Variants in KAZN observed in about 807,000 individuals in gnomAD.
The protein encoded by KAZN is kazrin, periplakin interacting protein, also known as kazrin.
KAZN carries 40 observed loss-of-function variants against 87.4 expected under a neutral mutation model. That is an observed-to-expected ratio of 0.46 (90% CI 0.36 to 0.60). The LOEUF (loss-of-function observed/expected upper bound fraction) is 0.60, where lower values mean the gene tolerates loss of function less well. Among genes scored for constraint, KAZN ranks in the 20% least tolerant of loss-of-function variants. The pLI is 0.00. For missense variants in KAZN, 898 were observed against 1,073.9 expected, an observed-to-expected ratio of 0.84 and a Z score of 2.29; for synonymous variants, 466 against 458.3, an observed-to-expected ratio of 1.02 and a Z score of -0.22.
At chr1:14,065,237 G>A (rs1190280835) in intron 1 of KAZN, among the ~76,000 whole-genome samples, 1 of 152,196 alleles carries the variant, frequency 6.6e-6, no homozygotes, top group Admixed American at 6.5e-5. Context: ...GCTCATTCAG[G>A]TCACATGGAC....
intron 2 of KAZN, among the ~76,000 whole-genome samples, chr1:14,544,010 CATT>C (rs1305023218): frequency 1.1e-4 from 16 of 152,136 alleles, no homozygotes; most frequent in African/African-American, 3.4e-4. Flanking sequence ...AGCAAAGAAT[CATT>C]ATTTTTATGA....
chr1:14,429,266 G>A (rs1441834843), intron 2 of KAZN, among the ~76,000 whole-genome samples: 2 of 152,154 alleles, frequency 1.3e-5, no homozygotes, highest in Admixed American at 6.5e-5. Flanking sequence ...GCCCTCCTGG[G>A]TCTCCAAACT....
At chr1:15,069,330 A>C (rs556685272) in intron 8 of KAZN, among the ~76,000 whole-genome samples, 6 of 152,176 alleles carry the variant, frequency 3.9e-5, no homozygotes, top group Non-Finnish European at 7.3e-5. Context: ...TGCCCTCTCA[A>C]AACTAACCCC....
intron 1 of KAZN, among the ~76,000 whole-genome samples, chr1:14,790,326 C>G (rs1023322040): frequency 6.6e-6 from 1 of 151,962 alleles, no homozygotes; most frequent in Admixed American, 6.6e-5. Flanking sequence ...TCCTGAATTT[C>G]TTGACCCAGG....
chr1:14,234,390 ACCGGGGC>A, intron 2 of KAZN, among the ~76,000 whole-genome samples: 1 of 127,568 alleles, frequency 7.8e-6, no homozygotes, highest in East Asian at 3.1e-4. Flanking sequence ...AACATCACAC[ACCGGGGC>A]CTGTTAGGGG....
At chr1:14,973,176 A>G (rs2175773) in intron 2 of KAZN, among the ~76,000 whole-genome samples, 60,074 of 151,946 alleles carry the variant, frequency 0.4, 13,977 homozygotes, top group African/African-American at 0.65. Flanking sequence ...TTTTCCATCA[A>G]TAGACATCGT....
chr1:14,091,953 T>C (rs10928004), intron 1 of KAZN, among the ~76,000 whole-genome samples: 57,750 of 152,052 alleles, frequency 0.38, 11,424 homozygotes, highest in East Asian at 0.68. Context: ...AAAAGGGCCA[T>C]GGACACACAC....
At chr1:14,102,106 A>G (rs1047569622) in intron 1 of KAZN, among the ~76,000 whole-genome samples, 2 of 152,194 alleles carry the variant, frequency 1.3e-5, no homozygotes, top group Admixed American at 1.3e-4. Context: ...AACTTAAAAA[A>G]AAAATAAGTC....
At chr1:14,800,408 A>C (rs1645972922) in intron 1 of KAZN, among the ~76,000 whole-genome samples, 1 of 152,198 alleles carries the variant, frequency 6.6e-6, no homozygotes, top group Non-Finnish European at 1.5e-5. Flanking sequence ...GCCATAAGAG[A>C]ATGAAGTAAT....
At chr1:14,173,438 G>A (rs906184903) in intron 1 of KAZN, among the ~76,000 whole-genome samples, 4 of 152,132 alleles carry the variant, frequency 2.6e-5, no homozygotes, top group Non-Finnish European at 4.4e-5. Context: ...TTTATTCTCA[G>A]GCAAGAGTTC....
At chr1:14,384,629 G>A (rs1208699973) in intron 2 of KAZN, among the ~76,000 whole-genome samples, 2 of 151,910 alleles carry the variant, frequency 1.3e-5, no homozygotes, top group East Asian at 1.9e-4. Flanking sequence ...TATTGATTTA[G>A]GTATATTGAA....
rs1643857792 is a variant in KAZN, at chr1:14,735,067, T to G, written c.226+135844T>G. On this transcript the variant is annotated intron_variant, in intron 1 of 14. Coordinates refer to ENST00000376030, the MANE Select transcript of KAZN (RefSeq NM_201628.3). The surrounding 1 kb of genome is among the most constrained non-coding windows in gnomAD (Gnocchi z 4.3). ...GCTAAATGGTCATGCTGGTTTTTTT[T>G]GTTTTGTTTTGAGACGGAGTCTCGC... Among the ~76,000 whole-genome samples, 1 of 152,150 alleles carries G rather than the reference T, an allele frequency of 6.6e-6. No homozygotes were observed.
At chr1:14,736,096 A>G (rs1486513012) in intron 1 of KAZN, among the ~76,000 whole-genome samples, 1 of 152,142 alleles carries the variant, frequency 6.6e-6, no homozygotes, top group Middle Eastern at 3.2e-3. Flanking sequence ...CAGGTGAAAA[A>G]CAGAAGTTCC....
chr1:14,294,307 A>G (rs1023744799), intron 2 of KAZN, among the ~76,000 whole-genome samples: 2 of 151,978 alleles, frequency 1.3e-5, no homozygotes, highest in Non-Finnish European at 1.5e-5. Context: ...GCTTTTCCCT[A>G]CTCACCACAC....
At chr1:13,910,661 T>C (rs567543737) in intron 1 of KAZN, among the ~76,000 whole-genome samples, 4 of 152,190 alleles carry the variant, frequency 2.6e-5, no homozygotes, top group Non-Finnish European at 5.9e-5. Flanking sequence ...CTGTACAGCC[T>C]ACAGAACCGT....
rs1198425596 is a variant in KAZN, at chr1:14,996,381, C to T, written c.418+35506C>T. ...AACATATTGGGTTGCTTGGCTGTCC[C>T]GGCACATCATGGGGGCCTCAGAGGC... On this transcript the variant is annotated intron_variant, in intron 2 of 14. Coordinates refer to ENST00000376030, the MANE Select transcript of KAZN (RefSeq NM_201628.3). The surrounding 1 kb of genome is among the most constrained non-coding windows in gnomAD (Gnocchi z 5.9). Among the ~76,000 whole-genome samples, 1 of 152,108 alleles carries T rather than the reference C, an allele frequency of 6.6e-6. No homozygotes were observed. The highest frequency in any genetic ancestry group is 1.5e-5 in the Non-Finnish European group (1 of 68,014).
chr1:14,015,221 G>A (rs577720871), intron 1 of KAZN, among the ~76,000 whole-genome samples: 3 of 152,080 alleles, frequency 2.0e-5, no homozygotes, highest in South Asian at 4.1e-4. Context: ...AGAGAAAAAC[G>A]CATTTTGAAG....
intron 13 of KAZN, 110 bp downstream of exon 13, chr1:15,104,299 C>A: frequency 1.8e-6 from 2 of 1,132,792 alleles, no homozygotes; most frequent in Non-Finnish European, 2.4e-6. Context: ...TACTGCCTCC[C>A]ACTCGTTCTT....
chr1:15,053,437 A>G (rs1222003076), intron 4 of KAZN, among the ~76,000 whole-genome samples: 1 of 152,212 alleles, frequency 6.6e-6, no homozygotes, highest in African/African-American at 2.4e-5. Flanking sequence ...GGCCATCAAC[A>G]CAACAAAGGC....
Sources: gnomAD v4.1 joint callset for allele counts (sites outside exome capture counted in the v4.1 genomes callset) on GRCh38, gnomAD v4.1.1 for gene constraint, Gnocchi (gnomAD v3.1) non-coding constraint, MANE v1.5 for transcripts, NCBI Gene and HGNC (gene_info 2026-07-23, HGNC 2026-07-21) for gene names.